The following SGK1 variants were observed in gnomAD, a reference collection of about 807,000 sequenced individuals.
The protein encoded by SGK1 is serum/glucocorticoid regulated kinase 1.
SGK1 carries 26 observed loss-of-function variants against 64.2 expected under a neutral mutation model. The ratio of observed to expected loss-of-function variants is 0.40; its 90% confidence interval spans 0.30 to 0.56. SGK1 has a LOEUF of 0.56. SGK1 is among the 20% of genes least tolerant of loss of function. The pLI is 0.38. For missense variants in SGK1, 519 were observed against 645.6 expected (o/e 0.80, Z 2.12); for synonymous variants, 265 against 239.7 (o/e 1.11, Z -0.98).
At chr6:134,264,113 TTTTC>T (rs1776811027) in intron 1 of SGK1, among the ~76,000 whole-genome samples, 1 of 148,530 alleles carries the variant, frequency 6.7e-6, no homozygotes, top group South Asian at 2.1e-4. Context: ...TGCAATTTTC[TTTTC>T]TTTCTTTTTT....
At chr6:134,254,129 A>C (rs547902070) in intron 2 of SGK1, among the ~76,000 whole-genome samples, 95 of 113,450 alleles carry the variant, frequency 8.4e-4, no homozygotes, top group East Asian at 3.3e-3. Context: ...TTTTTTTTTC[A>C]AAAAAAAAAA....
intron 10 of SGK1, 124 bp downstream of exon 10, chr6:134,172,069 G>A: frequency 9.5e-7 from 1 of 1,054,610 alleles, no homozygotes; most frequent in Admixed American, 2.4e-5. Context: ...TATTTTATTT[G>A]CACTGAACTG....
intron 1 of SGK1, among the ~76,000 whole-genome samples, chr6:134,265,488 A>AAAC (rs1562268884): frequency 2.0e-5 from 3 of 147,910 alleles, no homozygotes; most frequent in Non-Finnish European, 4.5e-5. Context: ...AACAAACAAA[A>AAAC]AAAATATATA....
chr6:134,171,174 G>A lies in SGK1; in HGVS notation c.1172C>T (p.Pro391Leu). 1 of 1,614,040 alleles carries A rather than the reference G, an allele frequency of 6.2e-7. No individual in the cohort carries two copies. Among genetic ancestry groups the A allele is most frequent in the Non-Finnish European group, 8.5e-7 (1 of 1,179,978 alleles). Residue 391 changes from proline (P) to leucine (L), a missense_variant, in exon 12 of 14, where the codon CCT (proline) becomes CTT (leucine). By Grantham distance (98) the Pro-to-Leu change is moderately conservative (BLOSUM62 -3). Around this residue, in one of 2 missense-constraint regions of SGK1, gnomAD observed 278 missense variants for 408.7 expected, o/e 0.68. Coordinates refer to ENST00000367858, the MANE Select transcript of SGK1 (RefSeq NM_001143676.3). ...TTCAGCTGTGTTTCGGCTATAAAAA[G>A]GCGGCTGAAAGAAGGGGAAAATTAC... The part of the protein sequence containing the change: ...VLYEMLYGLP[P>L]FYSRNTAEMY...
At chr6:134,220,397 A>T (rs79299710) in intron 2 of SGK1, among the ~76,000 whole-genome samples, 9,734 of 152,252 alleles carry the variant, frequency 0.064, 383 homozygotes, top group Non-Finnish European at 0.088. Context: ...TAGAAGTTAT[A>T]TATGTTATTT....
At chr6:134,252,264 C>A (rs1415326199) in intron 2 of SGK1, among the ~76,000 whole-genome samples, 1 of 152,108 alleles carries the variant, frequency 6.6e-6, no homozygotes, top group African/African-American at 2.4e-5. Context: ...GCTCTAGGAG[C>A]CCCAGGAAAC....
At chr6:134,264,205 T>C (rs889905998) in intron 1 of SGK1, among the ~76,000 whole-genome samples, 5 of 151,594 alleles carry the variant, frequency 3.3e-5, no homozygotes, top group African/African-American at 9.7e-5. Context: ...CTGCAAGCTC[T>C]GCCTCCTGGG....
intron 1 of SGK1, among the ~76,000 whole-genome samples, chr6:134,291,782 C>T (rs1777268816): frequency 6.6e-6 from 1 of 152,120 alleles, no homozygotes; most frequent in South Asian, 2.1e-4. Context: ...CATTTGTGGC[C>T]AGGCACGATG....
intron 2 of SGK1, among the ~76,000 whole-genome samples, chr6:134,209,349 G>A (rs867816613): frequency 2.0e-5 from 3 of 152,048 alleles, no homozygotes; most frequent in East Asian, 1.9e-4. Flanking sequence ...CAGGAGAATC[G>A]CTTGAACCCG....
Position 134,171,968 on chromosome 6 carries a change from T to A in SGK1, c.1071+225A>T. On this transcript the variant is annotated intron_variant, in intron 10 of 13. Transcript: ENST00000367858. ...CTCTTACTTAGGGATTTAGAAAGTT[T>A]TTATGATGCAGATCTTACTTACAAA... 3 of 660,450 alleles carry A rather than the reference T, an allele frequency of 4.5e-6. No individual in the cohort carries two copies. In the Admixed American group the frequency reaches 8.9e-5, roughly 20 times the overall value. The allele number at this position is 660,450 out of a possible 1,614,324, so 40.9% of individuals were successfully genotyped here.
chr6:134,226,249 A>C (rs2114707710), intron 2 of SGK1, among the ~76,000 whole-genome samples: 1 of 152,292 alleles, frequency 6.6e-6, no homozygotes, highest in Non-Finnish European at 1.5e-5. Context: ...AAACATCAGA[A>C]AGTAAGCATA....
chr6:134,281,668 A>G (rs1197365884), intron 1 of SGK1, among the ~76,000 whole-genome samples: 1 of 151,860 alleles, frequency 6.6e-6, no homozygotes, highest in Non-Finnish European at 1.5e-5. Context: ...CAGGTGCACC[A>G]CCACACCCAG....
At chr6:134,190,161 T>G (rs1471673371) in intron 3 of SGK1, among the ~76,000 whole-genome samples, 1 of 152,128 alleles carries the variant, frequency 6.6e-6, no homozygotes, top group Non-Finnish European at 1.5e-5. Flanking sequence ...TAAGTACTGT[T>G]TTTATATCTA....
chr6:134,279,098 C>T (rs1444268919), intron 1 of SGK1, among the ~76,000 whole-genome samples: 1 of 152,152 alleles, frequency 6.6e-6, no homozygotes, highest in African/African-American at 2.4e-5. Flanking sequence ...GTCCTAGCTA[C>T]TAAGGAGGTT....
intron 3 of SGK1, among the ~76,000 whole-genome samples, chr6:134,178,623 C>T (rs760804003): frequency 1.4e-4 from 22 of 152,176 alleles, no homozygotes; most frequent in Non-Finnish European, 2.9e-4. Context: ...TCCGAGTAGC[C>T]TCCCGAACTG....
intron 2 of SGK1, among the ~76,000 whole-genome samples, chr6:134,225,940 AAAC>A (rs1776168929): frequency 6.6e-6 from 1 of 151,038 alleles, no homozygotes; most frequent in Non-Finnish European, 1.5e-5. Flanking sequence ...AAACAAAAAA[AAAC>A]AAAAAAACAC....
At chr6:134,187,401 G>C (rs1345128122) in intron 3 of SGK1, among the ~76,000 whole-genome samples, 1 of 152,204 alleles carries the variant, frequency 6.6e-6, no homozygotes, top group Non-Finnish European at 1.5e-5. Context: ...AGGGGGAATA[G>C]TGAGTGGTGC....
In SGK1 at chr6:134,226,006, G is replaced by A. The variant is rs562411187; in HGVS notation, c.286-18575C>T. On this transcript the variant is annotated intron_variant, in intron 2 of 13. Coordinates refer to ENST00000367858, the MANE Select transcript of SGK1 (RefSeq NM_001143676.3). ...GCCTGTAGTCCCAATTACTCGGGAG[G>A]CTGAAGTGGGAGGATCAATCACCTA... 2.2e-4 allele frequency among the ~76,000 whole-genome samples: 34 copies of A among 152,222 alleles called. 1 individual carries two copies. The South Asian group carries it at 6.8e-3, about 31-fold the overall frequency.
chr6:134,174,977 G>A, intron 3 of SGK1: 4 of 1,286,652 alleles, frequency 3.1e-6, no homozygotes, highest in Non-Finnish European at 4.1e-6. Flanking sequence ...CGCCCCGGCC[G>A]CCTCGCGGTT....
Sources: gnomAD v4.1 joint callset for allele counts (sites outside exome capture counted in the v4.1 genomes callset) on GRCh38, gnomAD v4.1.1 for gene constraint, gnomAD v4.1.1 regional missense constraint, MANE v1.5 for transcripts, NCBI Gene and HGNC (gene_info 2026-07-23, HGNC 2026-07-21) for gene names.